Variants in GLCE observed in about 807,000 individuals in gnomAD.
GLCE encodes the protein glucuronic acid epimerase.
GLCE carries 19 observed loss-of-function variants against 47.9 expected under a neutral mutation model. The ratio of observed to expected loss-of-function variants is 0.40; its 90% CI spans 0.28 to 0.58. The LOEUF is 0.58. GLCE is among the 20% of genes least tolerant of loss of function. GLCE has a pLI of 0.48. For missense variants in GLCE, 556 were observed against 743.3 expected (o/e 0.75, Z 2.93); for synonymous variants, 245 against 263.4 (o/e 0.93, Z 0.68).
intron 2 of GLCE, among the ~76,000 whole-genome samples, chr15:69,229,056 T>C (rs2052485550): frequency 6.6e-6 from 1 of 152,192 alleles, no homozygotes; most frequent in African/African-American, 2.4e-5. Flanking sequence ...GATTAAAATA[T>C]ACCATGCAAA....
chr15:69,241,838 C>A (rs2052675479), intron 2 of GLCE, among the ~76,000 whole-genome samples: 1 of 152,124 alleles, frequency 6.6e-6, no homozygotes, highest in Non-Finnish European at 1.5e-5. Context: ...AATTTAGAGC[C>A]AGTTGTATTG....
intron 1 of GLCE, among the ~76,000 whole-genome samples, chr15:69,182,603 G>A (rs1056675137): frequency 2.0e-5 from 3 of 152,142 alleles, no homozygotes; most frequent in Admixed American, 2.0e-4. Context: ...ACATGGGAAG[G>A]TAAAAGGAAG....
intron 1 of GLCE, among the ~76,000 whole-genome samples, chr15:69,162,204 GT>G (rs1263422089): frequency 6.6e-6 from 1 of 152,134 alleles, no homozygotes; most frequent in African/African-American, 2.4e-5. Context: ...CTGCTTAACA[GT>G]TTCATTGTAT....
intron 2 of GLCE, among the ~76,000 whole-genome samples, chr15:69,221,118 C>G (rs928131917): frequency 6.6e-6 from 1 of 152,186 alleles, no homozygotes; most frequent in Non-Finnish European, 1.5e-5. Flanking sequence ...TTCCATTGAT[C>G]TATATGTCTA....
At position 69,268,434 on chromosome 15, in the gene GLCE, C is replaced by T; in HGVS notation, c.1044C>T (p.Ser348=). 7 of 1,613,852 alleles carry T rather than the reference C, an allele frequency of 4.3e-6. No homozygotes were observed. Among genetic ancestry groups the T allele is most frequent in the Non-Finnish European group, 5.9e-6 (7 of 1,179,750 alleles). Residue 348 remains serine (S), a synonymous_variant, in exon 5 of 5, where the codon AGC becomes AGT. Coordinates refer to ENST00000261858, the MANE Select transcript of GLCE (RefSeq NM_015554.3). ...GCATTGGGCCCAGAACTTCATGGAG[C>T]ACAGTTACCAGGGACCTGGTCACTG... ...YYGIGPRTSW[S]TVTRDLVTDL...
In GLCE at chr15:69,268,219, GA is replaced by G. The variant is rs1180860228; in HGVS notation, c.832del (p.Thr278ProfsTer24). The G allele has an allele frequency of 6.3e-7, 1 of 1,580,694 alleles. No individual in the cohort carries two copies. The highest frequency in any genetic ancestry group is 8.6e-7 in the Non-Finnish European group (1 of 1,162,966). ...CTTTGTTGGTATATTCTCCCCTACA[GA>G]AACCAGTGAAGGTGTATCCTTGCAA... ...FTNVKQFIAP[E>X]TSEGVSLQLG... is the part of the protein sequence containing the mutation. On this transcript the variant is annotated frameshift_variant and splice_region_variant, in exon 5 of 5. Coordinates refer to ENST00000261858, the MANE Select transcript of GLCE (RefSeq NM_015554.3). LOFTEE classifies it high-confidence loss of function.
chr15:69,172,616 T>C (rs2051605366), intron 1 of GLCE, among the ~76,000 whole-genome samples: 1 of 152,162 alleles, frequency 6.6e-6, no homozygotes, highest in African/African-American at 2.4e-5. Flanking sequence ...GATATCTTTT[T>C]AGACTAGATA....
chr15:69,188,378 A>G (rs1003951596), intron 1 of GLCE, among the ~76,000 whole-genome samples: 2 of 152,234 alleles, frequency 1.3e-5, no homozygotes, highest in African/African-American at 4.8e-5. Context: ...TAGTTTTCTT[A>G]TAATATCTTA....
At chr15:69,208,685 C>T (rs963536602) in intron 1 of GLCE, among the ~76,000 whole-genome samples, 49 of 152,124 alleles carry the variant, frequency 3.2e-4, no homozygotes, top group African/African-American at 1.1e-3. Context: ...ATTGGAGTTG[C>T]ATTAAATTTC....
chr15:69,164,495 T>C (rs1439895908), intron 1 of GLCE, among the ~76,000 whole-genome samples: 2 of 150,292 alleles, frequency 1.3e-5, no homozygotes, highest in African/African-American at 4.9e-5. Flanking sequence ...AATATATACA[T>C]ATATGACATG....
At chr15:69,186,304 GAGA>G (rs1211774140) in intron 1 of GLCE, among the ~76,000 whole-genome samples, 1 of 152,100 alleles carries the variant, frequency 6.6e-6, no homozygotes, top group African/African-American at 2.4e-5. Context: ...AGGAGAAGAG[GAGA>G]AGGTCAGAGG....
chr15:69,209,564 A>G (rs1242534493), intron 1 of GLCE, among the ~76,000 whole-genome samples: 1 of 152,064 alleles, frequency 6.6e-6, no homozygotes, highest in African/African-American at 2.4e-5. Context: ...TCGTCTGTTC[A>G]TAATTCTCAA....
chr15:69,266,343 T>A (rs562097445), intron 4 of GLCE, among the ~76,000 whole-genome samples: 1 of 152,114 alleles, frequency 6.6e-6, no homozygotes, highest in Non-Finnish European at 1.5e-5. Flanking sequence ...TTCTTTTTTT[T>A]TTTAAGAGAC....
Position 69,268,615 on chromosome 15 carries a change from A to C in GLCE, c.1225A>C (p.Ser409Arg). Residue 409 changes from serine to arginine, a missense_variant, in exon 5 of 5, where the codon AGT becomes CGT. Ser to Arg is a moderately radical substitution (Grantham distance 110). Transcript: ENST00000261858. ...TAHMAAFFAA[S>R]DWLVRNQDEK... ...CCACATGGCTGCATTTTTTGCTGCT[A>C]GTGATTGGCTAGTAAGGAACCAGGA... 6.2e-7 allele frequency: 1 copy of C among 1,614,196 alleles called. No individual in the cohort carries two copies.
intron 1 of GLCE, among the ~76,000 whole-genome samples, chr15:69,195,400 C>G (rs2051972693): frequency 6.6e-6 from 1 of 151,728 alleles, no homozygotes; most frequent in Non-Finnish European, 1.5e-5. Flanking sequence ...TCAAAGGTTA[C>G]AAGTTACCTA....
Position 69,193,917 on chromosome 15 carries a change from T to C in GLCE, c.-104-16399T>C, listed in dbSNP as rs1355591959. ...GTCTTTTTTACCTTCATAGTTAAAT[T>C]ATTTAAACTTCTCTGACCATCTATT... On this transcript the variant is annotated intron_variant, in intron 1 of 4. Coordinates refer to ENST00000261858, the MANE Select transcript of GLCE (RefSeq NM_015554.3). Among the ~76,000 whole-genome samples, 6 of 152,156 alleles carry C rather than the reference T, an allele frequency of 3.9e-5. No individual in the cohort carries two copies. In the South Asian group the frequency reaches 6.2e-4, roughly 16 times the overall value.
chr15:69,181,553 C>T (rs1323903636), intron 1 of GLCE, among the ~76,000 whole-genome samples: 1 of 152,178 alleles, frequency 6.6e-6, no homozygotes, highest in Non-Finnish European at 1.5e-5. Context: ...AGATGCTGCT[C>T]ATAGTTCCAG....
At chr15:69,200,475 A>G (rs927472716) in intron 1 of GLCE, among the ~76,000 whole-genome samples, 2 of 152,180 alleles carry the variant, frequency 1.3e-5, no homozygotes, top group African/African-American at 4.8e-5. Context: ...AAGCTGACCA[A>G]ACATTCTAAC....
chr15:69,206,218 C>A (rs2052150263), intron 1 of GLCE, among the ~76,000 whole-genome samples: 1 of 152,002 alleles, frequency 6.6e-6, no homozygotes, highest in Non-Finnish European at 1.5e-5. Context: ...TTGTCTGATG[C>A]TTTTCTTGTG....
Sources: gnomAD v4.1 joint callset for allele counts (sites outside exome capture counted in the v4.1 genomes callset) on GRCh38, gnomAD v4.1.1 for gene constraint, MANE v1.5 for transcripts, NCBI Gene and HGNC (gene_info 2026-07-23, HGNC 2026-07-21) for gene names.